SKAP1: variants seen among roughly 807,000 people sequenced by gnomAD.
SKAP1 encodes the protein src kinase associated phosphoprotein 1, also known as src kinase-associated phosphoprotein 1.
A neutral mutation model predicts 58.5 loss-of-function variants in SKAP1; 44 were observed. The observed-to-expected ratio is 0.75, with a 90% confidence interval of 0.59 to 0.97. The LOEUF is 0.97. SKAP1 is among the 50% of genes least tolerant of loss of function. SKAP1 has a pLI of 0.00. For synonymous variants in SKAP1, 127 were observed against 149.7 expected (o/e 0.85, Z 1.11); for missense variants, 390 against 435.2 (o/e 0.90, Z 0.92).
intron 1 of SKAP1, among the ~76,000 whole-genome samples, chr17:48,398,851 G>A (rs374222776): frequency 1.8e-4 from 27 of 151,926 alleles, no homozygotes; most frequent in South Asian, 6.2e-4. Flanking sequence ...GAAACCCCCC[G>A]TCTCTCTAAA....
chr17:48,280,529 A>T (rs887026831), intron 4 of SKAP1, among the ~76,000 whole-genome samples: 1 of 152,174 alleles, frequency 6.6e-6, no homozygotes, highest in Non-Finnish European at 1.5e-5. Flanking sequence ...CACACAAAAA[A>T]CACAATTCTT....
intron 4 of SKAP1, among the ~76,000 whole-genome samples, chr17:48,261,279 T>C (rs1158203670): frequency 6.6e-6 from 1 of 152,184 alleles, no homozygotes; most frequent in Non-Finnish European, 1.5e-5. Context: ...AAAGAATCTA[T>C]GCTTTGGTGA....
At chr17:48,273,671 G>A (rs1365858383) in intron 4 of SKAP1, among the ~76,000 whole-genome samples, 3 of 151,954 alleles carry the variant, frequency 2.0e-5, no homozygotes, top group Non-Finnish European at 4.4e-5. Context: ...CACCCACCTC[G>A]GCCCCCCAAA....
chr17:48,230,666 G>A (rs1598448792), intron 4 of SKAP1, among the ~76,000 whole-genome samples: 1 of 152,134 alleles, frequency 6.6e-6, no homozygotes, highest in Non-Finnish European at 1.5e-5. Flanking sequence ...TGAGGTGGGA[G>A]GATCCCCTGA....
At chr17:48,227,410 ATCTT>A (rs1469442153) in intron 4 of SKAP1, among the ~76,000 whole-genome samples, 1 of 152,138 alleles carries the variant, frequency 6.6e-6, no homozygotes, top group African/African-American at 2.4e-5. Context: ...AGATTCTTGG[ATCTT>A]TCTTGGTTTC....
At chr17:48,338,676 A>G (rs139846245) in intron 4 of SKAP1, among the ~76,000 whole-genome samples, 1 of 152,192 alleles carries the variant, frequency 6.6e-6, no homozygotes, top group Non-Finnish European at 1.5e-5. Flanking sequence ...ATGAAAAGTT[A>G]GAGTTTAAAC....
intron 1 of SKAP1, among the ~76,000 whole-genome samples, chr17:48,406,178 T>C (rs1271869008): frequency 6.6e-6 from 1 of 151,694 alleles, no homozygotes; most frequent in Admixed American, 6.6e-5. Context: ...GGCAGGAGAA[T>C]CGCTTGAACC....
chr17:48,184,773 T>C lies in SKAP1; in HGVS notation c.517A>G (p.Lys173Glu). The change falls in exon 7 of 13, where the codon AAG becomes GAG. Residue 173 changes from lysine (K) to glutamate (E), a missense_variant. By Grantham distance (56) the Lys-to-Glu change is moderately conservative. Transcript: ENST00000336915. ...GTCAGTTCAAAGCAGGATTCTTTCT[T>C]GGAATCTCTTCGCAGGTGGGGGGCC... Reference protein sequence around the residue: ...RMAPHLRRDSKKESCFELTSQ... With the variant: ...RMAPHLRRDSEKESCFELTSQ... 6.2e-7 allele frequency: 1 copy of C among 1,614,082 alleles called. No individual in the cohort carries two copies. Among genetic ancestry groups the C allele is most frequent in the Non-Finnish European group, 8.5e-7 (1 of 1,179,988 alleles).
At chr17:48,383,001 C>T (rs556051879) in intron 2 of SKAP1, among the ~76,000 whole-genome samples, 67 of 152,258 alleles carry the variant, frequency 4.4e-4, no homozygotes, top group African/African-American at 1.2e-3. Context: ...TGACTCTAGC[C>T]GCTCACTGGC....
chr17:48,140,472 C>G (rs567385920), intron 11 of SKAP1, among the ~76,000 whole-genome samples: 1 of 152,288 alleles, frequency 6.6e-6, no homozygotes, highest in South Asian at 2.1e-4. Context: ...TTTACTAGAG[C>G]AATCCCATAT....
chr17:48,282,996 A>C (rs544099546), intron 4 of SKAP1, among the ~76,000 whole-genome samples: 1 of 152,310 alleles, frequency 6.6e-6, no homozygotes, highest in South Asian at 2.1e-4. Flanking sequence ...ATAGTCACAA[A>C]CTAGTGCATT....
chr17:48,442,380 A>G, the SKAP1 span, among the ~76,000 whole-genome samples: 4 of 152,322 alleles, frequency 2.6e-5, no homozygotes, highest in East Asian at 1.9e-4. Context: ...AGACCTGCCT[A>G]TGTATGCCTG....
chr17:48,293,106 A>G (rs985973404), intron 4 of SKAP1, among the ~76,000 whole-genome samples: 7 of 152,228 alleles, frequency 4.6e-5, no homozygotes, highest in African/African-American at 1.7e-4. Context: ...AAATCTATGT[A>G]GTTTTCAATA....
intron 4 of SKAP1, among the ~76,000 whole-genome samples, chr17:48,311,922 G>A (rs958523791): frequency 1.3e-5 from 2 of 152,070 alleles, no homozygotes; most frequent in African/African-American, 2.4e-5. Flanking sequence ...ATAAATACAA[G>A]GAAAATCATG....
chr17:48,349,201 ACAT>A (rs1167699564), intron 3 of SKAP1, among the ~76,000 whole-genome samples: 1 of 152,206 alleles, frequency 6.6e-6, no homozygotes, highest in African/African-American at 2.4e-5. Context: ...TTGTTTAAGA[ACAT>A]CATTTTTCTT....
At chr17:48,157,164 G>A (rs764530047) in intron 11 of SKAP1, among the ~76,000 whole-genome samples, 36 of 151,958 alleles carry the variant, frequency 2.4e-4, no homozygotes, top group South Asian at 4.1e-4. Context: ...TAAATAACCC[G>A]TCTGTTACAG....
chr17:48,257,628 C>CTTTTTTTTTTTTTTTTTTTTTT (rs56225931), intron 4 of SKAP1, among the ~76,000 whole-genome samples: 7 of 111,152 alleles, frequency 6.3e-5, no homozygotes, highest in African/African-American at 1.3e-4. Flanking sequence ...TTCTTTCTTT[C>CTTTTTTTTTTTTTTTTTTTTTT]TTTTTTTTTT....
intron 4 of SKAP1, among the ~76,000 whole-genome samples, chr17:48,230,013 T>A (rs2065109738): frequency 6.6e-6 from 1 of 152,146 alleles, no homozygotes; most frequent in Non-Finnish European, 1.5e-5. Context: ...ACAGTCTCTG[T>A]TAGAAGGGCA....
At chr17:48,329,758 G>A (rs1288773128) in intron 4 of SKAP1, among the ~76,000 whole-genome samples, 1 of 152,032 alleles carries the variant, frequency 6.6e-6, no homozygotes, top group East Asian at 1.9e-4. Context: ...TTTCTGTGAG[G>A]CAGTGTGGCA....
Sources: gnomAD v4.1 joint callset for allele counts (sites outside exome capture counted in the v4.1 genomes callset) on GRCh38, gnomAD v4.1.1 for gene constraint, MANE v1.5 for transcripts, NCBI Gene and HGNC (gene_info 2026-07-23, HGNC 2026-07-21) for gene names.